Variants in HERC6 observed in about 807,000 individuals in gnomAD.
The protein encoded by HERC6 is HECT and RLD domain containing E3 ubiquitin protein ligase family member 6, also known as probable E3 ubiquitin-protein ligase HERC6.
HERC6 carries 101 observed loss-of-function variants against 114.5 expected under a neutral mutation model. The observed-to-expected ratio is 0.88, with a 90% CI of 0.75 to 1.04. HERC6 has a LOEUF of 1.04. Among genes scored for constraint, HERC6 ranks in the 50% least tolerant of loss-of-function variants. The pLI is 0.00. For synonymous variants in HERC6, 408 were observed against 436.2 expected, an observed-to-expected ratio of 0.94 and a Z score of 0.81; for missense variants, 1,133 against 1,230.9, an observed-to-expected ratio of 0.92 and a Z score of 1.19.
chr4:88,405,463 C>A, intron 9 of HERC6, 91 bp from the exon 10 acceptor site: 1 of 578,592 alleles, frequency 1.7e-6, no homozygotes, highest in Non-Finnish European at 2.9e-6. Context: ...AATTATTCCA[C>A]GTCATCATTT....
intron 16 of HERC6, among the ~76,000 whole-genome samples, chr4:88,430,002 G>T (rs767833357): frequency 2.4e-4 from 37 of 152,138 alleles, no homozygotes; most frequent in Non-Finnish European, 4.9e-4. Context: ...TAAATGAGCA[G>T]AAATAGGAAA....
chr4:88,437,647 T>C (rs1738895369), intron 19 of HERC6, 64 bp from the exon 20 acceptor site: 1 of 973,028 alleles, frequency 1.0e-6, no homozygotes, highest in Non-Finnish European at 1.6e-6. Context: ...AATAAAGATA[T>C]TATGGGTGGT....
intron 13 of HERC6, among the ~76,000 whole-genome samples, chr4:88,422,258 T>G (rs1260320374): frequency 6.6e-6 from 1 of 152,218 alleles, no homozygotes; most frequent in Non-Finnish European, 1.5e-5. Context: ...ATTTTCTCTG[T>G]ATAGAATCAT....
At chr4:88,431,942 A>C (rs1042735924) in intron 17 of HERC6, among the ~76,000 whole-genome samples, 16 of 152,338 alleles carry the variant, frequency 1.1e-4, no homozygotes, top group Admixed American at 7.2e-4. Context: ...TCCTAATTTA[A>C]AACACTTTAG....
At chr4:88,383,150 C>T (rs1250058833) in intron 1 of HERC6, 71 bp from the exon 2 acceptor site, 2 of 1,536,598 alleles carry the variant, frequency 1.3e-6, no homozygotes, top group Admixed American at 2.1e-5. Flanking sequence ...AAGAAAAGTG[C>T]TGTCTTAAAC....
intron 17 of HERC6, among the ~76,000 whole-genome samples, chr4:88,434,629 G>T (rs1223156407): frequency 3.3e-5 from 5 of 152,018 alleles, no homozygotes; most frequent in Non-Finnish European, 7.4e-5. Flanking sequence ...AGAAACTGAG[G>T]TTTAGAGAGA....
intron 20 of HERC6, among the ~76,000 whole-genome samples, chr4:88,439,279 C>T (rs901811183): frequency 2.0e-5 from 3 of 151,590 alleles, no homozygotes; most frequent in Non-Finnish European, 2.9e-5. Flanking sequence ...GAGGCTGTGG[C>T]GGGAGGTTCG....
Position 88,442,301 on chromosome 4 carries a change from T to A in HERC6, c.2910T>A (p.Cys970Ter). The A allele has an allele frequency of 6.2e-7, 1 of 1,613,852 alleles. No individual in the cohort carries two copies. Among genetic ancestry groups the A allele is most frequent in the Non-Finnish European group, 8.5e-7 (1 of 1,179,836 alleles). Reference protein sequence around the residue: ...GIQKMEIVFRCPETFSERDHP... With the variant: ...GIQKMEIVFR ...AGAAAATGGAAATAGTATTTCGCTG[T>A]CCTGAAACTTTCAGTGAAAGAGATC... is the stretch of plus-strand genomic sequence containing the variant. Residue 970 changes from cysteine to a stop codon, truncating the protein, a stop_gained, in exon 23 of 23, where the codon TGT becomes TGA. Coordinates refer to ENST00000264346, the MANE Select transcript of HERC6 (RefSeq NM_017912.4). LOFTEE classifies it low-confidence loss of function (END_TRUNC).
intron 8 of HERC6, chr4:88,399,662 T>G (rs1735433023): frequency 6.6e-6 from 1 of 151,982 alleles, no homozygotes. Flanking sequence ...TCCCAGCTAC[T>G]TGGGAGGCTG....
intron 19 of HERC6, 48 bp downstream of exon 19, chr4:88,437,019 TA>T: frequency 7.4e-7 from 1 of 1,348,124 alleles, no homozygotes; most frequent in Non-Finnish European, 1.0e-6. Context: ...AATCTGTTTC[TA>T]AAAAATAATT....
At chr4:88,393,728 T>C (rs538680078) in intron 5 of HERC6, 146 bp downstream of exon 5, 167 of 484,248 alleles carry the variant, frequency 3.4e-4, no homozygotes, top group African/African-American at 2.7e-3. Flanking sequence ...TTATGAACAA[T>C]AGAGATCTAT....
chr4:88,424,506 A>G (rs1737394974), intron 14 of HERC6, 89 bp from the exon 15 acceptor site: 6 of 965,462 alleles, frequency 6.2e-6, no homozygotes, highest in Non-Finnish European at 9.5e-6. Flanking sequence ...CAAAAACCAG[A>G]TTCCAAAAAA....
In HERC6 at chr4:88,408,526, G is replaced by T; in HGVS notation, c.1277G>T (p.Gly426Val). ...CLTASFLKKRGTGETTSIDVD... is the reference protein window; with the variant it reads ...CLTASFLKKRVTGETTSIDVD... ...TCTTGCATTTCTTGTATCCAAAGAG[G>T]AACTGGAGAAACGACTTCCATTGAT... The change falls in exon 11 of 23, where the codon GGA (glycine) becomes GTA (valine). Residue 426 changes from glycine to valine, a missense_variant and splice_region_variant. Gly to Val is a moderately radical substitution (Grantham distance 109). Around this residue, in one of 3 missense-constraint regions of HERC6, gnomAD observed 735 missense variants for 754.0 expected, o/e 0.97. Transcript: ENST00000264346. 1 of 1,587,400 alleles carries T rather than the reference G, an allele frequency of 6.3e-7. No homozygotes were observed. Among genetic ancestry groups the T allele is most frequent in the Non-Finnish European group, 8.6e-7 (1 of 1,162,882 alleles).
At chr4:88,382,590 C>T (rs1734377342) in intron 1 of HERC6, among the ~76,000 whole-genome samples, 1 of 152,094 alleles carries the variant, frequency 6.6e-6, no homozygotes, top group African/African-American at 2.4e-5. Context: ...TCCGTGATGC[C>T]TACTCCTTTA....
At chr4:88,439,842 CTTT>C (rs537714979) in intron 20 of HERC6, 29 bp from the exon 21 acceptor site, 43,457 of 953,444 alleles carry the variant, frequency 0.046, no homozygotes, top group Non-Finnish European at 0.049. Context: ...TCCTTCCTTT[CTTT>C]TTTTTTTTTT....
chr4:88,442,112 A>G lies in HERC6; in HGVS notation c.2843-122A>G, dbSNP rs1739407144. ...TTTTATACATTCAACATGGTCTAGG[A>G]CAGTTCTCTCTGCCTAAGGACATTC... On this transcript the variant is annotated intron_variant, in intron 22 of 22. Transcript: ENST00000264346. The G allele has an allele frequency of 4.1e-6, 3 of 728,658 alleles. No homozygotes were observed. The South Asian group carries it at 5.3e-5, about 13-fold the overall frequency. 45.1% of individuals were successfully genotyped at this position (728,658 alleles called of 1,614,324 possible). A position where few individuals can be genotyped will look rare whatever the true frequency, so the allele number is the denominator to read the frequency against.
At chr4:88,434,360 A>T (rs1738531466) in intron 17 of HERC6, among the ~76,000 whole-genome samples, 1 of 152,276 alleles carries the variant, frequency 6.6e-6, no homozygotes, top group South Asian at 2.1e-4. Flanking sequence ...AAGGTATCTG[A>T]AAGTACCATG....
intron 5 of HERC6, among the ~76,000 whole-genome samples, chr4:88,394,922 T>A (rs537197713): frequency 9.2e-5 from 14 of 152,358 alleles, no homozygotes; most frequent in Admixed American, 3.9e-4. Context: ...TTTTTACAGT[T>A]TTCAATAATC....
Position 88,436,940 on chromosome 4 carries a change from A to G in HERC6, c.2453A>G (p.Asp818Gly). 7 of 1,608,048 alleles carry G rather than the reference A, an allele frequency of 4.4e-6. No homozygotes were observed. Among genetic ancestry groups the G allele is most frequent in the Non-Finnish European group, 5.9e-6 (7 of 1,176,822 alleles). Residue 818 changes from aspartate (D) to glycine (G), a missense_variant, in exon 19 of 23, where the codon GAC (aspartate) becomes GGC (glycine). Asp to Gly is a moderately conservative substitution (Grantham distance 94). This residue lies in a region of HERC6 where 388 missense variants were observed against 445.9 expected (regional missense o/e 0.87). Transcript: ENST00000264346. ...GAAGTTCTAGATGATGCTGCTGATG[A>G]CATTGGAGATGCGCTCTGCATACGC... ...LQEVLDDAADDIGDALCIRFS... is the reference protein window; with the variant it reads ...LQEVLDDAADGIGDALCIRFS...
Sources: gnomAD v4.1 joint callset for allele counts (sites outside exome capture counted in the v4.1 genomes callset) on GRCh38, gnomAD v4.1.1 for gene constraint, gnomAD v4.1.1 regional missense constraint, MANE v1.5 for transcripts, NCBI Gene and HGNC (gene_info 2026-07-23, HGNC 2026-07-21) for gene names.